Variants in PTPRD observed in about 807,000 individuals in gnomAD.
The protein encoded by PTPRD is receptor-type tyrosine-protein phosphatase delta.
PTPRD carries 34 observed loss-of-function variants against 214.5 expected under a neutral mutation model. The observed-to-expected ratio is 0.16, with a 90% CI of 0.12 to 0.21. The LOEUF (loss-of-function observed/expected upper bound fraction) is 0.21. PTPRD is among the 10% of genes least tolerant of loss of function. PTPRD has a pLI of 1.00. For synonymous variants in PTPRD, 1,128 were observed against 845.7 expected (o/e 1.33, Z -5.79); for missense variants, 2,545 against 2,398.7 (o/e 1.06, Z -1.27).
intron 33 of PTPRD, among the ~76,000 whole-genome samples, chr9:8,450,868 G>A (rs1258997280): frequency 6.6e-6 from 1 of 152,068 alleles, no homozygotes; most frequent in African/African-American, 2.4e-5. Context: ...ACTAACGCCT[G>A]CAATCTCTAC....
intron 3 of PTPRD, among the ~76,000 whole-genome samples, chr9:10,262,561 T>A (rs1564861720): frequency 6.6e-6 from 1 of 152,238 alleles, no homozygotes; most frequent in Non-Finnish European, 1.5e-5. Context: ...TGTTCACTGA[T>A]GATAAGCTCA....
chr9:9,078,468 C>T lies in PTPRD; in HGVS notation c.-142-59733G>A, dbSNP rs998831299. ...CATGCTGTGGCTTCGAAAGGGCTGA[C>T]CAAGTTCTTAAAACAGCTCCACTTT... On this transcript the variant is annotated intron_variant, in intron 10 of 45. Transcript: ENST00000381196. Among the ~76,000 whole-genome samples the T allele has an allele frequency of 3.9e-5, 6 of 152,040 alleles. No individual in the cohort carries two copies. The East Asian group carries it at 1.2e-3, about 29-fold the overall frequency.
intron 3 of PTPRD, among the ~76,000 whole-genome samples, chr9:10,322,575 A>G (rs1163892764): frequency 6.6e-6 from 1 of 152,198 alleles, no homozygotes; most frequent in East Asian, 1.9e-4. Context: ...ACCTTAATAT[A>G]TAAGTTTGCT....
intron 5 of PTPRD, among the ~76,000 whole-genome samples, chr9:9,925,492 A>T (rs1484901795): frequency 2.0e-5 from 3 of 152,134 alleles, no homozygotes; most frequent in African/African-American, 7.2e-5. Context: ...GGTTTTGGAT[A>T]ACTAAAAGAA....
intron 5 of PTPRD, among the ~76,000 whole-genome samples, chr9:9,916,104 T>C (rs965709476): frequency 2.0e-5 from 3 of 149,498 alleles, no homozygotes; most frequent in African/African-American, 7.3e-5. Context: ...CAAAAAACTG[T>C]CAGCTACAAA....
intron 3 of PTPRD, among the ~76,000 whole-genome samples, chr9:10,035,509 C>T (rs532213424): frequency 9.2e-5 from 14 of 152,166 alleles, no homozygotes; most frequent in South Asian, 6.2e-4. Flanking sequence ...TCTTTGCCCA[C>T]GCCTATGTCC....
intron 11 of PTPRD, among the ~76,000 whole-genome samples, chr9:8,843,275 G>A (rs951515322): frequency 2.0e-5 from 3 of 152,196 alleles, no homozygotes; most frequent in Admixed American, 6.5e-5. Flanking sequence ...CTGTCATTAG[G>A]CAAAATGCAC....
At chr9:8,606,272 T>A (rs562296736) in intron 14 of PTPRD, among the ~76,000 whole-genome samples, 14 of 152,226 alleles carry the variant, frequency 9.2e-5, no homozygotes, top group African/African-American at 3.4e-4. Flanking sequence ...CAGTAGCCAA[T>A]AGGCATGATT....
chr9:8,954,655 C>A (rs1326839224), intron 11 of PTPRD, among the ~76,000 whole-genome samples: 1 of 151,788 alleles, frequency 6.6e-6, no homozygotes, highest in East Asian at 1.9e-4. Flanking sequence ...AACAGGATGA[C>A]TTTCAAAACC....
chr9:9,742,498 T>G (rs565088922), intron 6 of PTPRD, among the ~76,000 whole-genome samples: 1 of 152,270 alleles, frequency 6.6e-6, no homozygotes, highest in African/African-American at 2.4e-5. Context: ...GTAATTTTGA[T>G]AAAGAAAGGA....
intron 4 of PTPRD, among the ~76,000 whole-genome samples, chr9:9,949,780 A>G (rs1586900736): frequency 6.6e-6 from 1 of 152,200 alleles, no homozygotes; most frequent in Non-Finnish European, 1.5e-5. Flanking sequence ...TTATCTTCAG[A>G]TCAGATGTGA....
intron 3 of PTPRD, among the ~76,000 whole-genome samples, chr9:10,267,460 A>G (rs1564894513): frequency 6.6e-6 from 1 of 152,110 alleles, no homozygotes; most frequent in Non-Finnish European, 1.5e-5. Flanking sequence ...TGAATTCATA[A>G]TTTTTTTAAT....
At chr9:10,016,357 TTAGATAGATAGA>T (rs1555471278) in intron 4 of PTPRD, among the ~76,000 whole-genome samples, 4,294 of 97,376 alleles carry the variant, frequency 0.044, 123 homozygotes, top group Admixed American at 0.13. Context: ...GATAGAAAGA[TTAGATAGATAGA>T]TAGATAGATA....
chr9:9,571,531 T>C (rs931825127), intron 8 of PTPRD, among the ~76,000 whole-genome samples: 5 of 151,416 alleles, frequency 3.3e-5, no homozygotes, highest in Middle Eastern at 3.4e-3. Flanking sequence ...ATTCTGATAT[T>C]TTAATGATGC....
chr9:9,777,881 C>T (rs1390022419), intron 5 of PTPRD, among the ~76,000 whole-genome samples: 1 of 152,124 alleles, frequency 6.6e-6, no homozygotes, highest in East Asian at 1.9e-4. Flanking sequence ...CCCTTCAACA[C>T]AATTACCCCA....
intron 9 of PTPRD, among the ~76,000 whole-genome samples, chr9:9,234,140 G>C (rs912679366): frequency 1.3e-5 from 2 of 152,260 alleles, no homozygotes; most frequent in Non-Finnish European, 2.9e-5. Flanking sequence ...TTCCATACAT[G>C]ATCTGAAATC....
At chr9:10,522,382 CA>C (rs1257227076) in intron 2 of PTPRD, among the ~76,000 whole-genome samples, 2 of 152,144 alleles carry the variant, frequency 1.3e-5, no homozygotes, top group African/African-American at 4.8e-5. Flanking sequence ...AGAATTTGCA[CA>C]AAGCTTTTGA....
intron 2 of PTPRD, among the ~76,000 whole-genome samples, chr9:10,469,887 GAAAT>G (rs2099018939): frequency 1.3e-5 from 2 of 151,110 alleles, no homozygotes; most frequent in South Asian, 4.2e-4. Flanking sequence ...TATGTTAAGT[GAAAT>G]AACCCAGGCA....
At chr9:10,271,037 T>G (rs574548454) in intron 3 of PTPRD, among the ~76,000 whole-genome samples, 1 of 151,946 alleles carries the variant, frequency 6.6e-6, no homozygotes, top group African/African-American at 2.4e-5. Flanking sequence ...GTTGCCCAGG[T>G]TGGTCTTGAA....
Sources: gnomAD v4.1 joint callset for allele counts (sites outside exome capture counted in the v4.1 genomes callset) on GRCh38, gnomAD v4.1.1 for gene constraint, MANE v1.5 for transcripts, NCBI Gene and HGNC (gene_info 2026-07-23, HGNC 2026-07-21) for gene names.